The following TRPM5 variants were observed in gnomAD, a reference collection of about 807,000 sequenced individuals.
TRPM5 encodes MLSN1 and TRP-related.
Under a neutral mutation model 124.9 loss-of-function variants are expected in TRPM5, and 121 were observed. The ratio of observed to expected loss-of-function variants is 0.97; its 90% CI spans 0.84 to 1.13. The LOEUF (loss-of-function observed/expected upper bound fraction) is 1.13, where lower values mean the gene tolerates loss of function less well. TRPM5 is among the 50% of genes most tolerant of loss of function. The probability of loss-of-function intolerance (pLI) is 0.00; values close to 1 mark genes in which losing one functional copy is unlikely to be tolerated. For synonymous variants in TRPM5, 781 were observed against 700.5 expected (o/e 1.11, Z -1.81); for missense variants, 1,643 against 1,589.1 (o/e 1.03, Z -0.58).
chr11:2,408,771 G>A (rs1480949794), intron 18 of TRPM5, among the ~76,000 whole-genome samples: 1 of 152,236 alleles, frequency 6.6e-6, no homozygotes, highest in East Asian at 1.9e-4. Context: ...CCAGCCAGAG[G>A]CCAGAGTGTG....
At chr11:2,428,975 T>C in the TRPM5 span, among the ~76,000 whole-genome samples, 1 of 150,616 alleles carries the variant, frequency 6.6e-6, no homozygotes, top group Non-Finnish European at 1.5e-5. The surrounding 1 kb of genome is among the most constrained non-coding windows in gnomAD (Gnocchi z 4.0). Context: ...GTCATGGTGG[T>C]AGTGACAATG....
intron 22 of TRPM5, 119 bp from the exon 28 acceptor site, chr11:2,405,712 T>C: frequency 8.9e-7 from 1 of 1,129,444 alleles, no homozygotes; most frequent in Non-Finnish European, 1.3e-6. Flanking sequence ...CTCCTCCCTC[T>C]GAGAGCTGCC....
At chr11:2,441,609 C>G in the TRPM5 span, among the ~76,000 whole-genome samples, 1 of 152,138 alleles carries the variant, frequency 6.6e-6, no homozygotes, top group South Asian at 2.1e-4. The surrounding 1 kb of genome is among the most constrained non-coding windows in gnomAD (Gnocchi z 7.2). Flanking sequence ...GACCCCATAC[C>G]CCCAGAGCAG....
the TRPM5 span, among the ~76,000 whole-genome samples, chr11:2,439,554 G>C: frequency 6.6e-6 from 1 of 151,696 alleles, no homozygotes; most frequent in Admixed American, 6.6e-5. Context: ...ACATCCATGC[G>C]GTCAACAAGC....
upstream of TRPM5, among the ~76,000 whole-genome samples, chr11:2,427,623 G>C (rs369368649): frequency 4.6e-5 from 7 of 152,376 alleles, no homozygotes; most frequent in East Asian, 1.2e-3. Context: ...AAGGCCCTGG[G>C]GGCATGTCCG....
intron 18 of TRPM5, among the ~76,000 whole-genome samples, chr11:2,409,309 A>G (rs1850393801): frequency 6.6e-6 from 1 of 151,972 alleles, no homozygotes; most frequent in Non-Finnish European, 1.5e-5. Context: ...ACTCTGGAGG[A>G]GCGGGCCGGG....
chr11:2,423,504 A>G (rs987226844), upstream of TRPM5, among the ~76,000 whole-genome samples: 1 of 152,136 alleles, frequency 6.6e-6, no homozygotes, highest in Non-Finnish European at 1.5e-5. Flanking sequence ...CCCTGGGTGC[A>G]CCTGGGTAGA....
the TRPM5 span, among the ~76,000 whole-genome samples, chr11:2,432,218 T>A: frequency 6.6e-6 from 1 of 152,208 alleles, no homozygotes; most frequent in South Asian, 2.1e-4. Context: ...ATGAGGGACA[T>A]CCCAGCTGCC....
At chr11:2,404,999 G>A in exon 24 of TRPM5, 3 of 1,612,802 alleles carry the variant, frequency 1.9e-6, no homozygotes, top group Non-Finnish European at 2.5e-6. Flanking sequence ...CCACCTCTGT[G>A]GTCAGCAGCC....
the TRPM5 span, among the ~76,000 whole-genome samples, chr11:2,435,061 A>C: frequency 6.6e-6 from 1 of 152,086 alleles, no homozygotes; most frequent in Admixed American, 6.6e-5. This position sits in a 1 kb window ranked among gnomAD's most constrained non-coding sequence, Gnocchi z 4.1. Flanking sequence ...TCGGCCTCCC[A>C]CAGCACTGGA....
At chr11:2,414,010 C>CCCCCCCCCCCCCCCCCCCCG (rs1565010126) in intron 12 of TRPM5, 51 bp downstream of exon 17, 5 of 420,362 alleles carry the variant, frequency 1.2e-5, no homozygotes, top group Non-Finnish European at 1.9e-5. Context: ...GCCCAGCTCG[C>CCCCCCCCCCCCCCCCCCCCG]CCGCCCACCC....
chr11:2,427,922 G>A (rs577794471), upstream of TRPM5, among the ~76,000 whole-genome samples: 34 of 152,326 alleles, frequency 2.2e-4, no homozygotes, highest in African/African-American at 6.5e-4. Flanking sequence ...CGAGGCCGTG[G>A]GGCATCGGCC....
chr11:2,411,639 C>T (rs779977428), exon 17 of TRPM5: 37 of 1,611,984 alleles, frequency 2.3e-5, no homozygotes, highest in African/African-American at 2.0e-4. Flanking sequence ...GCTCACCATG[C>T]GCTCTACCAC....
chr11:2,441,485 C>T, the TRPM5 span, among the ~76,000 whole-genome samples: 1 of 151,758 alleles, frequency 6.6e-6, no homozygotes, highest in Non-Finnish European at 1.5e-5. This position sits in a 1 kb window ranked among gnomAD's most constrained non-coding sequence, Gnocchi z 7.2. Flanking sequence ...CCTGGCCTTA[C>T]TCCCTCCTCT....
chr11:2,417,613 G>T (rs1845704182), intron 7 of TRPM5, 114 bp downstream of exon 12: 1 of 747,626 alleles, frequency 1.3e-6, no homozygotes, highest in Non-Finnish European at 2.2e-6. Context: ...TCTTTCCTGG[G>T]AAGGGGCAGG....
chr11:2,405,043 C>T (rs746892124), exon 24 of TRPM5: 41 of 1,611,750 alleles, frequency 2.5e-5, no homozygotes, highest in South Asian at 1.1e-5. Context: ...GTGCTGAGAG[C>T]CTGCTGGGAA....
chr11:2,429,833 C>T, the TRPM5 span, among the ~76,000 whole-genome samples: 1 of 152,044 alleles, frequency 6.6e-6, no homozygotes, highest in African/African-American at 2.4e-5. This position sits in a 1 kb window ranked among gnomAD's most constrained non-coding sequence, Gnocchi z 8.4. Flanking sequence ...AAAGGCGGGA[C>T]CAGGTGGAGG....
chr11:2,413,387 C>A, intron 13 of TRPM5, 89 bp downstream of exon 18: 1 of 1,360,844 alleles, frequency 7.3e-7, no homozygotes, highest in South Asian at 1.4e-5. Context: ...CAGGCTACCA[C>A]CAGCACCTGC....
At chr11:2,404,819 T>C in exon 24 of TRPM5, 1 of 769,318 alleles carries the variant, frequency 1.3e-6, no homozygotes, top group Non-Finnish European at 2.1e-6. Context: ...AGGGCCATTG[T>C]CTGCTGGGGG....
Sources: gnomAD v4.1 joint callset for allele counts (sites outside exome capture counted in the v4.1 genomes callset) on GRCh38, gnomAD v4.1.1 for gene constraint, Gnocchi (gnomAD v3.1) non-coding constraint, MANE v1.5 for transcripts, NCBI Gene and HGNC (gene_info 2026-07-23, HGNC 2026-07-21) for gene names.